Variants in ME3 observed in about 807,000 individuals in gnomAD.
ME3 encodes malic enzyme 3.
ME3 carries 48 observed loss-of-function variants against 68.9 expected under a neutral mutation model. The ratio of observed to expected loss-of-function variants is 0.70; its 90% confidence interval spans 0.55 to 0.89. The LOEUF (loss-of-function observed/expected upper bound fraction) is 0.89. Among genes scored for constraint, ME3 ranks in the 40% least tolerant of loss-of-function variants. The probability of loss-of-function intolerance (pLI) is 0.00; values close to 1 mark genes in which losing one functional copy is unlikely to be tolerated. For synonymous variants in ME3, 320 were observed against 318.8 expected (o/e 1.00, Z -0.04); for missense variants, 675 against 797.4 (o/e 0.85, Z 1.85).
chr11:86,515,281 G>C (rs1953812056), intron 4 of ME3, among the ~76,000 whole-genome samples: 1 of 152,170 alleles, frequency 6.6e-6, no homozygotes, highest in Non-Finnish European at 1.5e-5. Context: ...GAGTATCTCT[G>C]TTCCAGGGAC....
intron 2 of ME3, among the ~76,000 whole-genome samples, chr11:86,649,231 T>C (rs951804362): frequency 6.6e-6 from 1 of 152,170 alleles, no homozygotes; most frequent in Admixed American, 6.5e-5. Flanking sequence ...ATTATCTCAA[T>C]AGATGCAGAA....
At chr11:86,525,111 C>G (rs1462689919) in intron 4 of ME3, among the ~76,000 whole-genome samples, 2 of 152,156 alleles carry the variant, frequency 1.3e-5, no homozygotes, top group Admixed American at 1.3e-4. Context: ...GACAGTCAGA[C>G]AGACTTAGAC....
At chr11:86,561,187 T>C (rs1349784548) in intron 2 of ME3, among the ~76,000 whole-genome samples, 1 of 152,170 alleles carries the variant, frequency 6.6e-6, no homozygotes, top group East Asian at 1.9e-4. Flanking sequence ...CTACCCATAA[T>C]GTAGCAGTAG....
chr11:86,526,274 G>A (rs532433899), intron 4 of ME3, among the ~76,000 whole-genome samples: 7 of 152,336 alleles, frequency 4.6e-5, no homozygotes, highest in African/African-American at 9.6e-5. Context: ...CTCATTGCTA[G>A]TACAGCAGTC....
intron 2 of ME3, among the ~76,000 whole-genome samples, chr11:86,662,395 C>A (rs959227352): frequency 6.6e-6 from 1 of 151,850 alleles, no homozygotes; most frequent in African/African-American, 2.4e-5. Flanking sequence ...TCAAGACCAG[C>A]CTGGCCAACA....
intron 6 of ME3, among the ~76,000 whole-genome samples, chr11:86,490,834 A>G (rs1242716325): frequency 6.6e-6 from 1 of 152,222 alleles, no homozygotes; most frequent in Non-Finnish European, 1.5e-5. Flanking sequence ...TGCATCAAGC[A>G]GCATAGAGTG....
At chr11:86,572,139 A>G (rs1190272375) in intron 2 of ME3, among the ~76,000 whole-genome samples, 1 of 152,210 alleles carries the variant, frequency 6.6e-6, no homozygotes, top group Non-Finnish European at 1.5e-5. Flanking sequence ...GTGGGTATAT[A>G]CTGGAAACAA....
chr11:86,461,943 C>T (rs1565810380), intron 8 of ME3, among the ~76,000 whole-genome samples: 1 of 152,206 alleles, frequency 6.6e-6, no homozygotes, highest in African/African-American at 2.4e-5. Context: ...TCCTTCTTCT[C>T]TTTGCTCTGG....
intron 2 of ME3, among the ~76,000 whole-genome samples, chr11:86,633,550 G>C (rs906333947): frequency 6.6e-6 from 1 of 152,192 alleles, no homozygotes; most frequent in Non-Finnish European, 1.5e-5. Context: ...GAAATGAAAA[G>C]GTGCTAGACA....
At chr11:86,597,237 C>G (rs1367383205) in intron 2 of ME3, among the ~76,000 whole-genome samples, 1 of 152,234 alleles carries the variant, frequency 6.6e-6, no homozygotes. Context: ...GAATGAAAAT[C>G]TGGAGCTCAG....
intron 2 of ME3, among the ~76,000 whole-genome samples, chr11:86,565,208 C>A (rs1957423085): frequency 6.6e-6 from 1 of 152,178 alleles, no homozygotes; most frequent in Non-Finnish European, 1.5e-5. Context: ...CATACACACA[C>A]ACACACCCCC....
chr11:86,574,401 G>T (rs546436065), intron 2 of ME3, among the ~76,000 whole-genome samples: 12 of 59,730 alleles, frequency 2.0e-4, no homozygotes, highest in Middle Eastern at 0.02. Flanking sequence ...TGTTGCCGGG[G>T]GGGGGGGGGG....
intron 2 of ME3, among the ~76,000 whole-genome samples, chr11:86,641,750 T>G (rs1051178408): frequency 6.6e-6 from 1 of 152,208 alleles, no homozygotes; most frequent in Non-Finnish European, 1.5e-5. Flanking sequence ...ATGATGTCTG[T>G]AGCATCATGG....
At chr11:86,595,823 C>A (rs1334125712) in intron 2 of ME3, among the ~76,000 whole-genome samples, 3 of 152,222 alleles carry the variant, frequency 2.0e-5, no homozygotes, top group Non-Finnish European at 2.9e-5. Flanking sequence ...GCCAGAAGAA[C>A]AGAAGCTCCC....
At chr11:86,596,620 T>C (rs545631470) in intron 2 of ME3, among the ~76,000 whole-genome samples, 1 of 152,338 alleles carries the variant, frequency 6.6e-6, no homozygotes, top group African/African-American at 2.4e-5. Context: ...CTCACCTTCA[T>C]GTAGAATCAT....
chr11:86,441,122 T>G (rs1349914197), exon 15 of ME3: 1 of 653,096 alleles, frequency 1.5e-6, no homozygotes, highest in Non-Finnish European at 2.3e-6. Context: ...GAGACAAGGC[T>G]TTTATTCACT....
chr11:86,457,704 G>T lies in ME3; in HGVS notation c.920-7306C>A, dbSNP rs1342346544. On this transcript the variant is annotated intron_variant, in intron 8 of 14. Transcript: ENST00000543262. Reference sequence around the variant, plus strand: ...AGCCCATGGGTCCAGGGATGTGCTGGAACATGACTTGTGCCCATAAATGCC... The same window carrying T: ...AGCCCATGGGTCCAGGGATGTGCTGTAACATGACTTGTGCCCATAAATGCC... 5.4e-6 allele frequency: 7 copies of T among 1,288,704 alleles called. No individual in the cohort carries two copies. The East Asian group carries it at 3.9e-4, about 72-fold the overall frequency. The allele number at this position is 1,288,704 out of a possible 1,614,324, so 79.8% of individuals were successfully genotyped here.
intron 6 of ME3, among the ~76,000 whole-genome samples, chr11:86,496,746 A>G (rs1301769741): frequency 6.6e-6 from 1 of 152,210 alleles, no homozygotes; most frequent in Non-Finnish European, 1.5e-5. Flanking sequence ...ATGATACATC[A>G]GGTAGCTATT....
intron 4 of ME3, among the ~76,000 whole-genome samples, chr11:86,545,918 A>G (rs1040246048): frequency 1.3e-5 from 2 of 152,212 alleles, no homozygotes; most frequent in Non-Finnish European, 2.9e-5. Context: ...AAATTATACT[A>G]CAAGGCTTCA....
Sources: allele counts gnomAD v4.1 joint callset (sites outside exome capture counted in the v4.1 genomes callset), GRCh38; gene constraint gnomAD v4.1.1; transcripts MANE v1.5; gene names NCBI Gene and HGNC (gene_info 2026-07-23, HGNC 2026-07-21).